The following ADCY9 variants were observed in gnomAD, a reference collection of about 807,000 sequenced individuals.
The protein encoded by ADCY9 is adenylate cyclase 9.
In ADCY9, 50 loss-of-function variants were observed where a neutral mutation model predicts 101.5. That is an observed-to-expected ratio of 0.49 (90% confidence interval 0.39 to 0.62). The LOEUF is 0.62. Ranked by LOEUF, ADCY9 falls within the 20% of genes least tolerant of loss-of-function variation. ADCY9 has a pLI of 0.00. For missense variants in ADCY9, 1,662 were observed against 1,800.4 expected, an observed-to-expected ratio of 0.92 and a Z score of 1.39; for synonymous variants, 905 against 769.3, an observed-to-expected ratio of 1.18 and a Z score of -2.92.
In ADCY9 at chr16:3,965,719, C is replaced by A. The variant is rs1177608309; in HGVS notation, c.*56G>T. On this transcript the variant is annotated 3_prime_UTR_variant, in exon 11 of 11. Coordinates refer to ENST00000294016, the MANE Select transcript of ADCY9 (RefSeq NM_001116.4). The stretch of plus-strand genomic sequence containing the variant: ...GCTTGGAAAGCACAACAGCCAAATA[C>A]AAATATTACTGTGTTTCGACAAACA... 5 of 1,521,162 alleles carry A rather than the reference C, an allele frequency of 3.3e-6. No homozygotes were observed. The African/African-American group carries it at 6.9e-5, about 21-fold the overall frequency. The allele number at this position is 1,521,162 out of a possible 1,614,324, so 94.2% of individuals were successfully genotyped here.
chr16:4,024,861 T>A (rs571363016), intron 2 of ADCY9, among the ~76,000 whole-genome samples: 1 of 152,146 alleles, frequency 6.6e-6, no homozygotes, highest in South Asian at 2.1e-4. Flanking sequence ...CCTCCCAAGC[T>A]GAAGATGCTG....
intron 2 of ADCY9, among the ~76,000 whole-genome samples, chr16:4,057,635 G>A (rs1317995084): frequency 6.6e-6 from 1 of 152,220 alleles, no homozygotes; most frequent in Non-Finnish European, 1.5e-5. Flanking sequence ...GCTTCTGTGA[G>A]CACGCCAGAG....
intron 2 of ADCY9, among the ~76,000 whole-genome samples, chr16:4,069,994 A>T (rs2056823669): frequency 6.6e-6 from 1 of 152,144 alleles, no homozygotes; most frequent in Admixed American, 6.5e-5. Flanking sequence ...GCCACTCAGG[A>T]GGGTGAGGCA....
At chr16:4,101,416 AATACAGGCACATGCCACC>A (rs1403139199) in intron 2 of ADCY9, among the ~76,000 whole-genome samples, 1 of 151,828 alleles carries the variant, frequency 6.6e-6, no homozygotes, top group Admixed American at 6.6e-5. Flanking sequence ...AGTAGCTTGG[AATACAGGCACATGCCACC>A]ATGCACGGCT....
intron 2 of ADCY9, among the ~76,000 whole-genome samples, chr16:4,097,580 G>C (rs2057016608): frequency 1.0e-5 from 1 of 99,044 alleles, no homozygotes; most frequent in Admixed American, 1.3e-4. Context: ...TTAAGACAGA[G>C]TCTTGCTCTG....
intron 6 of ADCY9, among the ~76,000 whole-genome samples, chr16:3,985,499 G>A (rs1020075693): frequency 2.6e-5 from 4 of 152,130 alleles, no homozygotes; most frequent in Admixed American, 2.6e-4. Context: ...GCCCACGCAC[G>A]TCCCCTTTCT....
chr16:3,998,107 A>C (rs1345815907), intron 3 of ADCY9, among the ~76,000 whole-genome samples: 1 of 152,070 alleles, frequency 6.6e-6, no homozygotes, highest in Non-Finnish European at 1.5e-5. Context: ...CTTCCTTTTG[A>C]GGGATAATTT....
Position 3,963,507 on chromosome 16 carries a change from GAC to G in ADCY9, c.*2266_*2267del, listed in dbSNP as rs2055958268. ...TTAGGAAGGCTCAGGGTGTTTGAAA[GAC>G]AACGTTAAGCTCTGGGTGAGTCTGC... On this transcript the variant is annotated 3_prime_UTR_variant, in exon 11 of 11. Transcript: ENST00000294016. 5.1e-6 allele frequency: 2 copies of G among 389,152 alleles called. No homozygotes were observed. Among genetic ancestry groups the G allele is most frequent in the Admixed American group, 8.9e-5 (2 of 22,430 alleles). The allele number at this position is 389,152 out of a possible 1,614,324, so 24.1% of individuals were successfully genotyped here.
chr16:3,991,130 G>C (rs1423587536), intron 5 of ADCY9, among the ~76,000 whole-genome samples: 1 of 152,212 alleles, frequency 6.6e-6, no homozygotes, highest in Non-Finnish European at 1.5e-5. Flanking sequence ...TTATAGTGAA[G>C]ACAGAGGCAA....
At chr16:4,023,020 A>C (rs1378472867) in intron 2 of ADCY9, among the ~76,000 whole-genome samples, 1 of 152,210 alleles carries the variant, frequency 6.6e-6, no homozygotes, top group Non-Finnish European at 1.5e-5. Context: ...TCAAGAATCA[A>C]ATCACATCTC....
intron 6 of ADCY9, among the ~76,000 whole-genome samples, chr16:3,986,723 G>T (rs970462161): frequency 6.6e-6 from 1 of 152,138 alleles, no homozygotes; most frequent in Non-Finnish European, 1.5e-5. Context: ...CTCCCAAAGT[G>T]CTGGGATTAC....
intron 2 of ADCY9, among the ~76,000 whole-genome samples, chr16:4,057,986 C>T (rs2056751454): frequency 6.6e-6 from 1 of 151,832 alleles, no homozygotes; most frequent in Admixed American, 6.6e-5. Flanking sequence ...TAGTGAAACC[C>T]CATCTCTACT....
chr16:3,966,822 G>A lies in ADCY9; in HGVS notation c.3015C>T (p.Arg1005=). 6.2e-7 allele frequency: 1 copy of A among 1,614,240 alleles called. No homozygotes were observed. Among genetic ancestry groups the A allele is most frequent in the Non-Finnish European group, 8.5e-7 (1 of 1,180,048 alleles). The change falls in exon 11 of 11, where the codon CGC becomes CGT. Residue 1005 remains arginine (R), a synonymous_variant. Coordinates refer to ENST00000294016, the MANE Select transcript of ADCY9 (RefSeq NM_001116.4). ...FLNREFEVSY[R]LHYHGDVEAD... Reference sequence around the variant, plus strand: ...CTTCCACGTCTCCGTGGTAGTGGAGGCGGTAGCTGACTTCAAATTCGCGAT... The same window carrying A: ...CTTCCACGTCTCCGTGGTAGTGGAGACGGTAGCTGACTTCAAATTCGCGAT...
chr16:3,972,667 A>T (rs2056062694), intron 10 of ADCY9, among the ~76,000 whole-genome samples: 1 of 152,180 alleles, frequency 6.6e-6, no homozygotes, highest in Non-Finnish European at 1.5e-5. Flanking sequence ...GAAAGCAAAC[A>T]TCACTTGCAG....
At chr16:4,053,013 A>C (rs2056711655) in intron 2 of ADCY9, among the ~76,000 whole-genome samples, 1 of 152,216 alleles carries the variant, frequency 6.6e-6, no homozygotes. Context: ...TAAGAGACAA[A>C]CTGATTTTTT....
chr16:3,978,983 G>A, intron 8 of ADCY9, 133 bp downstream of exon 8: 1 of 1,155,942 alleles, frequency 8.7e-7, no homozygotes, highest in Non-Finnish European at 1.2e-6. Context: ...CCACAGTGCT[G>A]GGATTACAGG....
chr16:4,036,910 C>T (rs1460476047), intron 2 of ADCY9, among the ~76,000 whole-genome samples: 2 of 152,168 alleles, frequency 1.3e-5, no homozygotes, highest in Non-Finnish European at 2.9e-5. Flanking sequence ...GCCACTCACC[C>T]TTCCCAGCCT....
At chr16:4,028,512 G>C (rs2601815) in intron 2 of ADCY9, among the ~76,000 whole-genome samples, 1 of 152,032 alleles carries the variant, frequency 6.6e-6, no homozygotes, top group Non-Finnish European at 1.5e-5. Context: ...GACTACAATA[G>C]TGCATGATTC....
intron 2 of ADCY9, among the ~76,000 whole-genome samples, chr16:4,040,878 A>T (rs974523753): frequency 2.0e-5 from 3 of 152,156 alleles, no homozygotes; most frequent in African/African-American, 7.2e-5. Flanking sequence ...AGTACTTTTC[A>T]TTTCCATTAC....
Sources: allele counts gnomAD v4.1 joint callset (sites outside exome capture counted in the v4.1 genomes callset), GRCh38; gene constraint gnomAD v4.1.1; transcripts MANE v1.5; gene names NCBI Gene and HGNC (gene_info 2026-07-23, HGNC 2026-07-21).